Variants in APH1B observed in about 807,000 individuals in gnomAD.
APH1B encodes gamma-secretase subunit APH-1B.
In APH1B, 27 loss-of-function variants were observed where a neutral mutation model predicts 28.2. That is an observed-to-expected ratio of 0.96 (90% CI 0.70 to 1.32). APH1B has a LOEUF of 1.32. Ranked by LOEUF, APH1B falls within the 40% of genes most tolerant of loss-of-function variation. The pLI is 0.00. For synonymous variants in APH1B, 141 were observed against 124.6 expected (o/e 1.13, Z -0.88); for missense variants, 305 against 313.6 (o/e 0.97, Z 0.21).
intron 4 of APH1B, among the ~76,000 whole-genome samples, chr15:63,294,974 C>T (rs1488403754): frequency 6.6e-6 from 1 of 152,242 alleles, no homozygotes; most frequent in Non-Finnish European, 1.5e-5. Flanking sequence ...TAATGGAATT[C>T]CATCCTTCCA....
At chr15:63,281,866 A>G (rs1174738870) in intron 2 of APH1B, among the ~76,000 whole-genome samples, 1 of 152,142 alleles carries the variant, frequency 6.6e-6, no homozygotes, top group Non-Finnish European at 1.5e-5. Flanking sequence ...CATGAGGAAG[A>G]AATTAAAGCT....
rs1490564529 is a variant in APH1B, at chr15:63,305,880, AAG to A, written c.*101_*102del. The A allele has an allele frequency of 2.7e-5, 39 of 1,437,434 alleles. No individual in the cohort carries two copies. The East Asian group carries it at 8.9e-4, about 33-fold the overall frequency. The allele number at this position is 1,437,434 out of a possible 1,614,324, so 89.0% of individuals were successfully genotyped here. On this transcript the variant is annotated 3_prime_UTR_variant, in exon 6 of 6. Coordinates refer to ENST00000261879, the MANE Select transcript of APH1B (RefSeq NM_031301.4). ...ATCCCTTTTTCTGGTGGAATTGAGAAAGAAATAAAACTATGCAGATATGCGTT... is the reference window on the plus strand; with the variant it reads ...ATCCCTTTTTCTGGTGGAATTGAGAAAAATAAAACTATGCAGATATGCGTT...
At chr15:63,288,179 AAC>A (rs1050755046) in intron 4 of APH1B, among the ~76,000 whole-genome samples, 3 of 152,228 alleles carry the variant, frequency 2.0e-5, no homozygotes, top group Non-Finnish European at 4.4e-5. Flanking sequence ...TCGTTTCCAC[AAC>A]AGTTATGCCA....
At chr15:63,292,676 CCA>C (rs2038517962) in intron 4 of APH1B, among the ~76,000 whole-genome samples, 1 of 152,242 alleles carries the variant, frequency 6.6e-6, no homozygotes. Context: ...AGGGTGTGAG[CCA>C]CCACGCCTGG....
At chr15:63,302,533 G>A in intron 5 of APH1B, 61 bp downstream of exon 5, 2 of 1,556,302 alleles carry the variant, frequency 1.3e-6, no homozygotes, top group Non-Finnish European at 1.7e-6. Context: ...ATCTAAAATG[G>A]TAAATTCTAC....
At position 63,287,418 on chromosome 15, in the gene APH1B, G is replaced by A. The variant is rs201570581; in HGVS notation, c.356-6G>A. On this transcript the variant is annotated splice_region_variant and splice_polypyrimidine_tract_variant and intron_variant, in intron 3 of 5. Transcript: ENST00000261879. ...AAGAGTTAACAGTGTTTTTCTTCCTGTTTAGTTTCTGGCTTGGGCTTTGGA... is the reference window on the plus strand; with the variant it reads ...AAGAGTTAACAGTGTTTTTCTTCCTATTTAGTTTCTGGCTTGGGCTTTGGA... The A allele has an allele frequency of 1.2e-6, 2 of 1,612,840 alleles. No homozygotes were observed. Among genetic ancestry groups the A allele is most frequent in the Non-Finnish European group, 1.7e-6 (2 of 1,179,432 alleles).
intron 4 of APH1B, among the ~76,000 whole-genome samples, chr15:63,296,625 A>G (rs1259791392): frequency 6.6e-6 from 1 of 151,938 alleles, no homozygotes; most frequent in Non-Finnish European, 1.5e-5. Flanking sequence ...TATATTCAGG[A>G]AGGGTGAAGG....
chr15:63,286,526 T>C (rs202113788), intron 2 of APH1B, 32 bp from the exon 3 acceptor site: 18 of 1,480,892 alleles, frequency 1.2e-5, no homozygotes, highest in Non-Finnish European at 1.4e-5. Context: ...TTTTTTTTTT[T>C]CTTCTTAATT....
At position 63,302,344 on chromosome 15, in the gene APH1B, G is replaced by A; in HGVS notation, c.479-1G>A. 6.2e-7 allele frequency: 1 copy of A among 1,613,708 alleles called. No individual in the cohort carries two copies. The highest frequency in any genetic ancestry group is 1.3e-5 in the African/African-American group (1 of 75,012). ...GACACTAATGGTCGGCTCTCTTTCA[G>A]CTTTCATGACGCTGGTCATTATCTT... On this transcript the variant is annotated splice_acceptor_variant, in intron 4 of 5. Coordinates refer to ENST00000261879, the MANE Select transcript of APH1B (RefSeq NM_031301.4). LOFTEE classifies it high-confidence loss of function.
At chr15:63,283,140 C>CT (rs2038407771) in intron 2 of APH1B, among the ~76,000 whole-genome samples, 2 of 152,098 alleles carry the variant, frequency 1.3e-5, no homozygotes, top group Non-Finnish European at 2.9e-5. Flanking sequence ...ACTTCCATAA[C>CT]GTAGAATTAG....
At position 63,304,867 on chromosome 15, in the gene APH1B, C is replaced by T. The variant is rs996583323; in HGVS notation, c.607-747C>T. On this transcript the variant is annotated intron_variant, in intron 5 of 5. Transcript: ENST00000261879. This position sits in a 1 kb window ranked among gnomAD's most constrained non-coding sequence, Gnocchi z 5.1. The stretch of plus-strand genomic sequence containing the variant: ...TGTGAAGAATAATCTAGAAAATGCT[C>T]AATGCCTGCCATGCCCACGGAGGCC... Among the ~76,000 whole-genome samples, 3 of 152,200 alleles carry T rather than the reference C, an allele frequency of 2.0e-5. No individual in the cohort carries two copies. The highest frequency in any genetic ancestry group is 2.4e-5 in the African/African-American group (1 of 41,456).
Position 63,284,493 on chromosome 15 carries a change from C to T in APH1B, c.285-2065C>T, listed in dbSNP as rs888557741. On this transcript the variant is annotated intron_variant, in intron 2 of 5. Transcript: ENST00000261879. The stretch of plus-strand genomic sequence containing the variant: ...CTTCCCAAAATGCTGAGATTATAGG[C>T]GTGGGCCACTGCGCCTGGCCAATAT... Among the ~76,000 whole-genome samples the T allele has an allele frequency of 2.0e-5, 3 of 152,186 alleles. No homozygotes were observed. In the East Asian group the frequency reaches 5.8e-4, roughly 29 times the overall value.
intron 2 of APH1B, among the ~76,000 whole-genome samples, chr15:63,284,754 A>G (rs541707995): frequency 3.9e-5 from 6 of 152,188 alleles, no homozygotes; most frequent in East Asian, 1.9e-4. Flanking sequence ...AAGGGTACAC[A>G]TGCAGGTTTG....
chr15:63,303,124 T>C (rs912080414), intron 5 of APH1B, among the ~76,000 whole-genome samples: 1 of 152,244 alleles, frequency 6.6e-6, no homozygotes, highest in African/African-American at 2.4e-5. Context: ...TTTATTAAAA[T>C]AACACACCTA....
chr15:63,288,635 C>A (rs567305322), intron 4 of APH1B, among the ~76,000 whole-genome samples: 10 of 152,256 alleles, frequency 6.6e-5, no homozygotes, highest in African/African-American at 2.4e-4. Flanking sequence ...AGAGTCAAGG[C>A]CCTTTAAATC....
intron 3 of APH1B, 159 bp from the exon 4 acceptor site, chr15:63,287,265 T>C (rs2038457155): frequency 1.0e-5 from 9 of 859,272 alleles, no homozygotes; most frequent in Non-Finnish European, 1.6e-5. Flanking sequence ...GATTCATCAT[T>C]TAGCCAAGCA....
Position 63,279,052 on chromosome 15 carries a change from G to A in APH1B, c.114-109G>A, listed in dbSNP as rs2038356493. 4 of 902,410 alleles carry A rather than the reference G, an allele frequency of 4.4e-6. No homozygotes were observed. The African/African-American group carries it at 5.1e-5, about 11-fold the overall frequency. The allele number at this position is 902,410 out of a possible 1,614,324, so 55.9% of individuals were successfully genotyped here. On this transcript the variant is annotated intron_variant, in intron 1 of 5. Coordinates refer to ENST00000261879, the MANE Select transcript of APH1B (RefSeq NM_031301.4). ...AGGACTTTCTTTTCCTTATTGAAAC[G>A]TCAAGAAATCTCTTCCTTCTCAAGC...
chr15:63,303,805 T>C (rs1008938334), intron 5 of APH1B, among the ~76,000 whole-genome samples: 7 of 152,094 alleles, frequency 4.6e-5, no homozygotes, highest in African/African-American at 1.7e-4. Flanking sequence ...CTCATTCTTA[T>C]CTATTGTGAA....
In APH1B at chr15:63,286,569, AAGGTTTGAAGAGTAT is replaced by A. The variant is rs2038448450; in HGVS notation, c.298_312del (p.Gly100_Ile104del). 2 of 1,592,982 alleles carry A rather than the reference AAGGTTTGAAGAGTAT, an allele frequency of 1.3e-6. No individual in the cohort carries two copies. Among genetic ancestry groups the A allele is most frequent in the Non-Finnish European group, 1.7e-6 (2 of 1,173,320 alleles). On this transcript the variant is annotated inframe_deletion, in exon 3 of 6. Transcript: ENST00000261879. ...TGGTTTTATTTTAGAAAAGCCAGTG[AAGGTTTGAAGAGTAT>A]AAACCCAGGTGAGACAGCACCCTCT... is the stretch of plus-strand genomic sequence containing the variant.
Sources: allele counts gnomAD v4.1 joint callset (sites outside exome capture counted in the v4.1 genomes callset), GRCh38; gene constraint gnomAD v4.1.1; non-coding constraint Gnocchi (gnomAD v3.1); transcripts MANE v1.5; gene names NCBI Gene and HGNC (gene_info 2026-07-23, HGNC 2026-07-21).